Variants in HIF3A observed in about 807,000 individuals in gnomAD.
HIF3A encodes hypoxia-inducible factor 3-alpha.
In HIF3A, 41 loss-of-function variants were observed where a neutral mutation model predicts 67.2. That is an observed-to-expected ratio of 0.61 (90% CI 0.48 to 0.79). HIF3A has a LOEUF of 0.79. Among genes scored for constraint, HIF3A ranks in the 30% least tolerant of loss-of-function variants. HIF3A has a pLI of 0.00. For synonymous variants in HIF3A, 356 were observed against 374.8 expected (o/e 0.95, Z 0.58); for missense variants, 855 against 898.0 (o/e 0.95, Z 0.61).
chr19:46,339,614 G>T lies in HIF3A; in HGVS notation c.2002G>T (p.Ala668Ser). 1 of 1,599,790 alleles carries T rather than the reference G, an allele frequency of 6.3e-7. No homozygotes were observed. The highest frequency in any genetic ancestry group is 8.5e-7 in the Non-Finnish European group (1 of 1,172,118). ...CCAGCCAAGGGCAGGCTCAGCCCAG[G>T]CTGACTGAGCCGGCTCCTCTCCCCA... ...PFQPRAGSAQ[A>S]D The change falls in exon 15 of 15, where the codon GCT (alanine) becomes TCT (serine). Residue 668 changes from alanine to serine, a missense_variant. Ala to Ser is a moderately conservative substitution (Grantham distance 99). Transcript: ENST00000377670.
chr19:46,319,873 T>C (rs1395194119), intron 8 of HIF3A, among the ~76,000 whole-genome samples: 3 of 152,174 alleles, frequency 2.0e-5, no homozygotes, highest in Non-Finnish European at 4.4e-5. Context: ...CCAGCTCTTT[T>C]TTCTGCCTTT....
intron 3 of HIF3A, among the ~76,000 whole-genome samples, 158 bp from the exon 4 acceptor site, chr19:46,308,063 T>C (rs1419643757): frequency 2.0e-5 from 3 of 152,134 alleles, no homozygotes; most frequent in Admixed American, 1.3e-4. Context: ...GCTTGCTCAG[T>C]GGGTGGATGG....
In HIF3A at chr19:46,343,112, T is replaced by A. The variant is rs954840235; in HGVS notation, c.*3490T>A. ...CCCCTCAGCTGTCTGCCACCATCTATGTGCCTCCCTTACCCCCCAGCTTTC... is the reference window on the plus strand; with the variant it reads ...CCCCTCAGCTGTCTGCCACCATCTAAGTGCCTCCCTTACCCCCCAGCTTTC... On this transcript the variant is annotated 3_prime_UTR_variant, in exon 15 of 15. Coordinates refer to ENST00000377670, the MANE Select transcript of HIF3A (RefSeq NM_152795.4). The A allele has an allele frequency of 2.6e-5, 4 of 152,906 alleles. No homozygotes were observed. Among genetic ancestry groups the A allele is most frequent in the Non-Finnish European group, 5.9e-5 (4 of 68,248 alleles). 9.5% of individuals were successfully genotyped at this position (152,906 alleles called of 1,614,324 possible). A position where few individuals can be genotyped will look rare whatever the true frequency, so the allele number is the denominator to read the frequency against.
intron 10 of HIF3A, among the ~76,000 whole-genome samples, chr19:46,324,088 A>G (rs1268404812): frequency 6.6e-6 from 1 of 152,210 alleles, no homozygotes; most frequent in Non-Finnish European, 1.5e-5. Context: ...TCAAAGAGTC[A>G]AAGTGTCTAA....
At chr19:46,302,454 G>A (rs1206541379) in intron 1 of HIF3A, among the ~76,000 whole-genome samples, 2 of 152,178 alleles carry the variant, frequency 1.3e-5, no homozygotes, top group South Asian at 2.1e-4. Context: ...TTTTAGAGAC[G>A]GAGCCTTGCT....
At chr19:46,299,709 CAAA>C (rs56080471) in intron 1 of HIF3A, among the ~76,000 whole-genome samples, 1 of 111,622 alleles carries the variant, frequency 9.0e-6, no homozygotes, top group Admixed American at 1.0e-4. Context: ...GACCTTGTCG[CAAA>C]AAAAAAAAAA....
rs1968752046 is a variant in HIF3A, at chr19:46,305,376, C to T, written c.349C>T (p.Leu117=). The stretch of plus-strand genomic sequence containing the variant: ...CCTGTCGGAGAATGTCAGCAAACAC[C>T]TGGGCCTCAGTCAGGTGAGAGGAGC... ...AYLSENVSKH[L]GLSQLELIGH... The change falls in exon 3 of 15, where the codon CTG becomes TTG. Residue 117 remains leucine, a synonymous_variant. Transcript: ENST00000377670. 2 of 1,614,016 alleles carry T rather than the reference C, an allele frequency of 1.2e-6. No individual in the cohort carries two copies. The highest frequency in any genetic ancestry group is 2.7e-5 in the African/African-American group (2 of 75,046).
chr19:46,298,025 A>G (rs1967993446), intron 1 of HIF3A, among the ~76,000 whole-genome samples: 1 of 152,000 alleles, frequency 6.6e-6, no homozygotes, highest in Non-Finnish European at 1.5e-5. Context: ...ACACAGGGGA[A>G]CCTGTGCCCT....
rs1971854047 is a variant in HIF3A at position 46,339,542 on chromosome 19, C to T, written c.1930C>T (p.Leu644Phe). Reference protein sequence around the residue: ...NEPLGLGPSLLSPYSDEDTTQ... With the variant: ...NEPLGLGPSLFSPYSDEDTTQ... ...CTTTGCAGGCCTGGGCCCCTCACTG[C>T]TCTCTCCGTACTCAGACGAGGACAC... Residue 644 changes from leucine to phenylalanine, a missense_variant, in exon 15 of 15, where the codon CTC (leucine) becomes TTC (phenylalanine). Transcript: ENST00000377670. 4 of 1,602,268 alleles carry T rather than the reference C, an allele frequency of 2.5e-6. No homozygotes were observed. Among genetic ancestry groups the T allele is most frequent in the Non-Finnish European group, 3.4e-6 (4 of 1,173,088 alleles).
chr19:46,330,111 G>C (rs1306023676), intron 12 of HIF3A, among the ~76,000 whole-genome samples: 1 of 152,044 alleles, frequency 6.6e-6, no homozygotes, highest in East Asian at 1.9e-4. Flanking sequence ...TAAATTGCAA[G>C]CATGTGCTCA....
rs576553900 is a variant in HIF3A, at chr19:46,323,291, C to G, written c.1335+1325C>G. ...GTCTCGAACTCCTGACCTCATGATC[C>G]ACCCGCCTCGGCCTCCCAAAGTGCT... On this transcript the variant is annotated intron_variant, in intron 10 of 14. Coordinates refer to ENST00000377670, the MANE Select transcript of HIF3A (RefSeq NM_152795.4). Among the ~76,000 whole-genome samples the G allele has an allele frequency of 7.3e-5, 11 of 151,720 alleles. No homozygotes were observed. The South Asian group carries it at 2.3e-3, about 32-fold the overall frequency.
intron 11 of HIF3A, among the ~76,000 whole-genome samples, chr19:46,327,989 G>C (rs1488654210): frequency 2.0e-5 from 3 of 152,208 alleles, no homozygotes; most frequent in African/African-American, 7.2e-5. Context: ...TCAGTGTTCA[G>C]AGTTTTTATT....
Position 46,321,791 on chromosome 19 carries a change from G to T in HIF3A, c.1160G>T (p.Arg387Leu). 6.2e-7 allele frequency: 1 copy of T among 1,613,442 alleles called. No homozygotes were observed. The highest frequency in any genetic ancestry group is 8.5e-7 in the Non-Finnish European group (1 of 1,179,896). Residue 387 changes from arginine (R) to leucine (L), a missense_variant, in exon 10 of 15, where the codon CGG becomes CTG. Physicochemically the swap from Arg to Leu is moderately radical, Grantham distance 102. Around this residue, in one of 3 missense-constraint regions of HIF3A, gnomAD observed 638 missense variants for 660.5 expected, o/e 0.97. Transcript: ENST00000377670. Reference sequence around the variant, plus strand: ...TGTCCTGCAGACACCCCTGGCCCCCGGATCCTTGCCTTCCTGCACCCGCCT... The same window carrying T: ...TGTCCTGCAGACACCCCTGGCCCCCTGATCCTTGCCTTCCTGCACCCGCCT... The part of the protein sequence containing the change: ...PGDSLDTPGP[R>L]ILAFLHPPSL...
At chr19:46,332,144 G>A (rs73940680) in intron 13 of HIF3A, among the ~76,000 whole-genome samples, 16,998 of 152,118 alleles carry the variant, frequency 0.11, 1,172 homozygotes, top group African/African-American at 0.18. Flanking sequence ...CATCCAGAAA[G>A]TGGGAATAGT....
chr19:46,337,722 C>A (rs10426420), intron 14 of HIF3A, among the ~76,000 whole-genome samples: 1,781 of 152,342 alleles, frequency 0.012, 37 homozygotes, highest in African/African-American at 0.04. Context: ...TTCTGCCTGG[C>A]ATACTTTTCC....
chr19:46,335,445 T>C (rs952271552), intron 14 of HIF3A, among the ~76,000 whole-genome samples: 2 of 151,920 alleles, frequency 1.3e-5, no homozygotes, highest in African/African-American at 4.8e-5. Flanking sequence ...AATTTTTGTA[T>C]TTTTAGTAGA....
chr19:46,321,871 C>T lies in HIF3A; in HGVS notation c.1240C>T (p.Leu414Phe). The change falls in exon 10 of 15, where the codon CTC (leucine) becomes TTC (phenylalanine). Residue 414 changes from leucine (L) to phenylalanine (F), a missense_variant. Physicochemically the swap from Leu to Phe is conservative, Grantham distance 22 (BLOSUM62 0). This residue lies in a region of HIF3A where 638 missense variants were observed against 660.5 expected (regional missense o/e 0.97). Coordinates refer to ENST00000377670, the MANE Select transcript of HIF3A (RefSeq NM_152795.4). ...CCCCCGCCGTTTCTGCAGCCCTGAC[C>T]TCCGTCGCCTCCTGGGACCCATCCT... The part of the protein sequence containing the change: ...ADPRRFCSPD[L>F]RRLLGPILDG... 6.2e-7 allele frequency: 1 copy of T among 1,614,062 alleles called. No individual in the cohort carries two copies. The highest frequency in any genetic ancestry group is 8.5e-7 in the Non-Finnish European group (1 of 1,180,028).
chr19:46,335,011 A>G (rs773925427), intron 14 of HIF3A, 25 bp downstream of exon 14: 1 of 1,582,180 alleles, frequency 6.3e-7, no homozygotes, highest in South Asian at 1.1e-5. Flanking sequence ...GGGTATCCAG[A>G]GCCCCAGAGC....
At chr19:46,331,365 G>A in intron 13 of HIF3A, 92 bp downstream of exon 13, 2 of 1,021,954 alleles carry the variant, frequency 2.0e-6, no homozygotes, top group Non-Finnish European at 3.1e-6. Flanking sequence ...AGAGGGGCAG[G>A]GGCTGGTTGA....
Sources: gnomAD v4.1 joint callset for allele counts (sites outside exome capture counted in the v4.1 genomes callset) on GRCh38, gnomAD v4.1.1 for gene constraint, gnomAD v4.1.1 regional missense constraint, MANE v1.5 for transcripts, NCBI Gene and HGNC (gene_info 2026-07-23, HGNC 2026-07-21) for gene names.